Variants in ACOXL observed in about 807,000 individuals in gnomAD.
ACOXL encodes the protein acyl-coenzyme A oxidase-like protein.
ACOXL carries 70 observed loss-of-function variants against 71.9 expected under a neutral mutation model. The ratio of observed to expected loss-of-function variants is 0.97; its 90% confidence interval spans 0.80 to 1.19. The LOEUF (loss-of-function observed/expected upper bound fraction) is 1.19. Among genes scored for constraint, ACOXL ranks in the 50% most tolerant of loss-of-function variants. ACOXL has a pLI of 0.00. For missense variants in ACOXL, 703 were observed against 736.3 expected, an observed-to-expected ratio of 0.95 and a Z score of 0.52; for synonymous variants, 253 against 281.6, an observed-to-expected ratio of 0.90 and a Z score of 1.02.
At chr2:110,921,313 C>A (rs977765149) in intron 11 of ACOXL, among the ~76,000 whole-genome samples, 10 of 146,944 alleles carry the variant, frequency 6.8e-5, no homozygotes, top group Admixed American at 5.6e-4. Context: ...CTGCTCCAAT[C>A]TTTATTTCTT....
At chr2:110,915,386 A>ATGTG (rs572051282) in intron 11 of ACOXL, among the ~76,000 whole-genome samples, 1 of 123,230 alleles carries the variant, frequency 8.1e-6, no homozygotes. Context: ...GTGTGTATGT[A>ATGTG]TGTGTGTGTG....
rs1000732347 is a variant in ACOXL, at chr2:111,066,464, T to G, written c.1440+17176T>G. 3.9e-5 allele frequency among the ~76,000 whole-genome samples: 6 copies of G among 152,182 alleles called. 1 individual carries two copies. Among genetic ancestry groups the G allele is most frequent in the African/African-American group, 1.2e-4 (5 of 41,440 alleles). On this transcript the variant is annotated intron_variant, in intron 16 of 17. Transcript: ENST00000439055. ...TGTGTGGTGATGGAGATGATCTGGATCTCATTGTATCAATATCTATATGCT... is the reference window on the plus strand; with the variant it reads ...TGTGTGGTGATGGAGATGATCTGGAGCTCATTGTATCAATATCTATATGCT...
At chr2:110,992,432 A>G (rs2063213092) in intron 13 of ACOXL, among the ~76,000 whole-genome samples, 1 of 152,144 alleles carries the variant, frequency 6.6e-6, no homozygotes, top group Non-Finnish European at 1.5e-5. Context: ...TGGAGTCTGC[A>G]CTCCGAGAGC....
intron 10 of ACOXL, among the ~76,000 whole-genome samples, chr2:110,856,705 T>C (rs1329377241): frequency 6.6e-6 from 1 of 152,192 alleles, no homozygotes; most frequent in Non-Finnish European, 1.5e-5. Context: ...AATTTGTGGG[T>C]GGAAGACATG....
intron 16 of ACOXL, among the ~76,000 whole-genome samples, chr2:111,084,171 T>TA (rs928818866): frequency 4.0e-5 from 6 of 149,858 alleles, no homozygotes; most frequent in Non-Finnish European, 7.4e-5. Context: ...TCCCAAAAAA[T>TA]AAAAAACGGT....
At chr2:111,053,275 C>G (rs570469731) in intron 16 of ACOXL, among the ~76,000 whole-genome samples, 3 of 152,224 alleles carry the variant, frequency 2.0e-5, no homozygotes, top group Non-Finnish European at 4.4e-5. Context: ...TTGCTTGGAG[C>G]CCCACGTCCT....
intron 9 of ACOXL, among the ~76,000 whole-genome samples, chr2:110,819,184 T>C (rs1302806166): frequency 6.6e-6 from 1 of 152,052 alleles, no homozygotes; most frequent in African/African-American, 2.4e-5. Flanking sequence ...GTCCAATAGA[T>C]TGGTGCAGTT....
chr2:110,791,690 T>A (rs548874141), intron 3 of ACOXL, among the ~76,000 whole-genome samples: 1 of 152,286 alleles, frequency 6.6e-6, no homozygotes, highest in Admixed American at 6.5e-5. Flanking sequence ...TTAGTGAAAT[T>A]CATCTGTCCT....
At chr2:111,052,165 G>A (rs1193216367) in intron 16 of ACOXL, among the ~76,000 whole-genome samples, 4 of 152,188 alleles carry the variant, frequency 2.6e-5, no homozygotes, top group Non-Finnish European at 5.9e-5. Context: ...AGGAGGGACA[G>A]GAAAACAAGT....
At chr2:111,079,402 T>A (rs1351033093) in intron 16 of ACOXL, among the ~76,000 whole-genome samples, 2 of 152,214 alleles carry the variant, frequency 1.3e-5, no homozygotes, top group Admixed American at 1.3e-4. Context: ...CTAATTAGCA[T>A]GAAATCCATG....
At chr2:111,117,503 C>A in intron 17 of ACOXL, 113 bp from the exon 18 acceptor site, 1 of 1,123,356 alleles carries the variant, frequency 8.9e-7, no homozygotes, top group Admixed American at 2.0e-5. Flanking sequence ...CAAAGGGAAA[C>A]TAGTTTCCGG....
At chr2:110,903,884 C>T (rs917991981) in intron 10 of ACOXL, among the ~76,000 whole-genome samples, 3 of 152,340 alleles carry the variant, frequency 2.0e-5, no homozygotes, top group Non-Finnish European at 2.9e-5. Flanking sequence ...GGGTCTCTCA[C>T]GGGCCAGGCC....
Position 110,771,836 on chromosome 2 carries a change from CA to C in ACOXL, c.75+3374del, listed in dbSNP as rs548984139. Among the ~76,000 whole-genome samples the C allele has an allele frequency of 7.6e-4, 115 of 152,308 alleles. No individual in the cohort carries two copies. The Middle Eastern group carries it at 0.02, about 27-fold the overall frequency. On this transcript the variant is annotated intron_variant, in intron 2 of 17. Transcript: ENST00000439055. ...TTGGATCCTGGGCTGGGGGAGTCACCAACTGCCTCTATTTCCAGATGCAGAG... is the reference window on the plus strand; with the variant it reads ...TTGGATCCTGGGCTGGGGGAGTCACCACTGCCTCTATTTCCAGATGCAGAG...
intron 9 of ACOXL, among the ~76,000 whole-genome samples, chr2:110,812,296 T>G (rs1264463028): frequency 6.6e-6 from 1 of 152,224 alleles, no homozygotes; most frequent in Non-Finnish European, 1.5e-5. Flanking sequence ...CAACCGAAAT[T>G]TAAACATTTG....
chr2:110,996,640 C>T (rs2063410298), intron 14 of ACOXL, among the ~76,000 whole-genome samples: 2 of 152,144 alleles, frequency 1.3e-5, no homozygotes, highest in Non-Finnish European at 2.9e-5. Context: ...TCAGGGCTAC[C>T]ATAACAAGAG....
chr2:110,893,842 T>C (rs565303462), intron 10 of ACOXL, among the ~76,000 whole-genome samples: 10 of 152,306 alleles, frequency 6.6e-5, no homozygotes, highest in Admixed American at 5.9e-4. Flanking sequence ...TGTGCACACA[T>C]TTACCATGTA....
intron 10 of ACOXL, among the ~76,000 whole-genome samples, chr2:110,891,071 G>A (rs1170523544): frequency 6.6e-6 from 1 of 151,562 alleles, no homozygotes; most frequent in Non-Finnish European, 1.5e-5. Context: ...TTTTTGGATT[G>A]TTCATTATTA....
At chr2:111,087,402 G>T (rs1026838011) in intron 16 of ACOXL, among the ~76,000 whole-genome samples, 2 of 152,090 alleles carry the variant, frequency 1.3e-5, no homozygotes, top group African/African-American at 2.4e-5. Flanking sequence ...ACTTCAAACT[G>T]TATTACAGAT....
At chr2:111,059,366 C>A (rs1369384090) in intron 16 of ACOXL, among the ~76,000 whole-genome samples, 3 of 152,206 alleles carry the variant, frequency 2.0e-5, no homozygotes, top group African/African-American at 4.8e-5. Flanking sequence ...TAATGTGTTA[C>A]ATTTTGAAAG....
Sources: gnomAD v4.1 joint callset for allele counts (sites outside exome capture counted in the v4.1 genomes callset) on GRCh38, gnomAD v4.1.1 for gene constraint, MANE v1.5 for transcripts, NCBI Gene and HGNC (gene_info 2026-07-23, HGNC 2026-07-21) for gene names.